The following NELL2 variants were observed in gnomAD, a reference collection of about 807,000 sequenced individuals.
NELL2 encodes neural EGFL like 2.
Under a neutral mutation model 109.6 loss-of-function variants are expected in NELL2, and 41 were observed. The observed-to-expected ratio is 0.37, with a 90% CI of 0.29 to 0.49. The LOEUF is 0.49. Among genes scored for constraint, NELL2 ranks in the 20% least tolerant of loss-of-function variants. NELL2 has a pLI of 0.98. For synonymous variants in NELL2, 355 were observed against 344.7 expected, an observed-to-expected ratio of 1.03 and a Z score of -0.33; for missense variants, 900 against 1,008.3, an observed-to-expected ratio of 0.89 and a Z score of 1.45.
intron 13 of NELL2, among the ~76,000 whole-genome samples, chr12:44,660,191 C>A (rs887812345): frequency 5.9e-5 from 9 of 152,064 alleles, no homozygotes; most frequent in African/African-American, 2.2e-4. Flanking sequence ...AAAGGAAATT[C>A]AAAGGGGAAC....
chr12:44,612,722 C>T (rs1945665818), intron 13 of NELL2, among the ~76,000 whole-genome samples: 1 of 151,856 alleles, frequency 6.6e-6, no homozygotes, highest in South Asian at 2.1e-4. Context: ...CAGTGCAATT[C>T]GAAGTGCCGC....
chr12:44,895,755 C>G (rs1376964287), intron 1 of NELL2, among the ~76,000 whole-genome samples: 5 of 152,008 alleles, frequency 3.3e-5, no homozygotes. Flanking sequence ...TTACCACTAC[C>G]ACCACCCCAG....
chr12:44,914,942 T>C (rs1015890009), upstream of NELL2, among the ~76,000 whole-genome samples: 5 of 151,896 alleles, frequency 3.3e-5, no homozygotes, highest in Admixed American at 3.3e-4. Flanking sequence ...CTCGGTCTCC[T>C]GGGTTCACGC....
intron 15 of NELL2, among the ~76,000 whole-genome samples, chr12:44,597,107 G>A (rs1450172882): frequency 6.6e-6 from 1 of 152,034 alleles, no homozygotes; most frequent in East Asian, 1.9e-4. Flanking sequence ...TATGGTTCTT[G>A]TGATTAGTAA....
At chr12:44,811,505 G>A (rs373042076) in intron 3 of NELL2, among the ~76,000 whole-genome samples, 3 of 152,080 alleles carry the variant, frequency 2.0e-5, no homozygotes, top group Non-Finnish European at 4.4e-5. Flanking sequence ...AGTACGTGCC[G>A]GATTTGAACA....
chr12:44,702,824 A>G (rs1383416916), intron 12 of NELL2, among the ~76,000 whole-genome samples: 1 of 149,678 alleles, frequency 6.7e-6, no homozygotes, highest in East Asian at 1.9e-4. Context: ...AGAAAAAACT[A>G]TTTAAGCTAA....
intron 13 of NELL2, among the ~76,000 whole-genome samples, chr12:44,632,864 C>T (rs1309753425): frequency 6.6e-6 from 1 of 151,998 alleles, no homozygotes; most frequent in Non-Finnish European, 1.5e-5. Flanking sequence ...TTATCTCTAT[C>T]ATTTTTTTTC....
intron 12 of NELL2, among the ~76,000 whole-genome samples, chr12:44,687,080 G>A (rs893489053): frequency 7.2e-5 from 11 of 152,168 alleles, no homozygotes; most frequent in South Asian, 2.1e-4. Context: ...AGGACCCTCC[G>A]AGCCAAGTGG....
chr12:44,534,130 T>G (rs1942201640), intron 15 of NELL2, among the ~76,000 whole-genome samples: 1 of 152,062 alleles, frequency 6.6e-6, no homozygotes, highest in Admixed American at 6.6e-5. Flanking sequence ...AAGCATATAT[T>G]CCTTTCATTT....
chr12:44,820,334 C>A (rs1333171806), intron 2 of NELL2, among the ~76,000 whole-genome samples: 1 of 152,144 alleles, frequency 6.6e-6, no homozygotes, highest in African/African-American at 2.4e-5. Context: ...CTAGGCCGGG[C>A]GCAGTGGCTC....
intron 9 of NELL2, among the ~76,000 whole-genome samples, chr12:44,736,856 C>T (rs1367187067): frequency 3.9e-5 from 6 of 151,926 alleles, no homozygotes; most frequent in Non-Finnish European, 5.9e-5. Flanking sequence ...ATACTGCCTT[C>T]AAACCTATAT....
rs868374975 is a variant in NELL2, at chr12:44,529,467, C to G, written c.1804+3114G>C. 2.6e-5 allele frequency among the ~76,000 whole-genome samples: 4 copies of G among 151,762 alleles called. No homozygotes were observed. In the South Asian group the frequency reaches 8.3e-4, roughly 32 times the overall value. Reference sequence around the variant, plus strand: ...CTAGATGTAGAATCTGCAGCCAGGGCAGAGGTCTGAATTAGGGATACATAG... The same window carrying G: ...CTAGATGTAGAATCTGCAGCCAGGGGAGAGGTCTGAATTAGGGATACATAG... On this transcript the variant is annotated intron_variant, in intron 16 of 19. Transcript: ENST00000429094.
At chr12:44,792,874 A>G (rs909263537) in intron 3 of NELL2, among the ~76,000 whole-genome samples, 1 of 152,206 alleles carries the variant, frequency 6.6e-6, no homozygotes, top group East Asian at 1.9e-4. Context: ...TCCGAATCTA[A>G]AAATCTGTCC....
rs2089892290 is a variant in NELL2 at position 44,777,089 on chromosome 12, G to T, written c.715C>A (p.Gln239Lys). The change falls in exon 7 of 20, where the codon CAG becomes AAG. Residue 239 changes from glutamine to lysine, a missense_variant. Physicochemically the swap from Gln to Lys is moderately conservative, Grantham distance 53 (BLOSUM62 1). Coordinates refer to ENST00000429094, the MANE Select transcript of NELL2 (RefSeq NM_001145108.2). ...PTCNDFHGLV[Q>K]KIMELQDILA... is the part of the protein sequence containing the mutation. ...ATATCCTGTAGCTCCATGATTTTCTGCACAAGTCCATGGAAGTCATTGCAA... is the reference window on the plus strand; with the variant it reads ...ATATCCTGTAGCTCCATGATTTTCTTCACAAGTCCATGGAAGTCATTGCAA... 2 of 1,613,976 alleles carry T rather than the reference G, an allele frequency of 1.2e-6. No individual in the cohort carries two copies. The highest frequency in any genetic ancestry group is 1.7e-6 in the Non-Finnish European group (2 of 1,179,934).
chr12:44,884,418 A>T (rs1477560125), intron 1 of NELL2, among the ~76,000 whole-genome samples: 2 of 152,044 alleles, frequency 1.3e-5, no homozygotes, highest in African/African-American at 4.8e-5. Context: ...CTCTTTCATA[A>T]TCAATAAAAA....
chr12:44,577,387 G>A (rs551257939), intron 15 of NELL2, among the ~76,000 whole-genome samples: 142 of 144,142 alleles, frequency 9.9e-4, no homozygotes, highest in African/African-American at 3.6e-3. Context: ...ACTTTTTGAT[G>A]GGGTTGTTTG....
intron 18 of NELL2, among the ~76,000 whole-genome samples, chr12:44,520,625 C>T (rs534755878): frequency 6.6e-6 from 1 of 151,864 alleles, no homozygotes; most frequent in African/African-American, 2.4e-5. Context: ...TTATTAATTC[C>T]TTTATGCATA....
intron 19 of NELL2, among the ~76,000 whole-genome samples, chr12:44,516,894 G>C (rs1417127006): frequency 7.1e-6 from 1 of 141,106 alleles, no homozygotes; most frequent in African/African-American, 2.8e-5. Context: ...CTAGTATGTA[G>C]TTGTGACTTT....
At chr12:44,576,876 C>T (rs1315560336) in intron 15 of NELL2, among the ~76,000 whole-genome samples, 1 of 150,008 alleles carries the variant, frequency 6.7e-6, no homozygotes, top group Non-Finnish European at 1.5e-5. Flanking sequence ...GACATGAACT[C>T]ATCATTTTTT....
Sources: gnomAD v4.1 joint callset for allele counts (sites outside exome capture counted in the v4.1 genomes callset) on GRCh38, gnomAD v4.1.1 for gene constraint, MANE v1.5 for transcripts, NCBI Gene and HGNC (gene_info 2026-07-23, HGNC 2026-07-21) for gene names.